The following PRKN variants were observed in gnomAD, a reference collection of about 807,000 sequenced individuals.
PRKN encodes the protein parkin RBR E3 ubiquitin protein ligase.
In PRKN, 56 loss-of-function variants were observed where a neutral mutation model predicts 59.5. The observed-to-expected ratio is 0.94, with a 90% confidence interval of 0.76 to 1.18. The LOEUF (loss-of-function observed/expected upper bound fraction) is 1.18, where lower values mean the gene tolerates loss of function less well. Ranked by LOEUF, PRKN falls within the 50% of genes most tolerant of loss-of-function variation. The pLI is 0.00. For missense variants in PRKN, 657 were observed against 596.4 expected (o/e 1.10, Z -1.06); for synonymous variants, 250 against 222.1 (o/e 1.13, Z -1.12).
intron 5 of PRKN, among the ~76,000 whole-genome samples, chr6:161,978,593 A>C (rs1386615274): frequency 6.6e-6 from 1 of 152,162 alleles, no homozygotes; most frequent in Non-Finnish European, 1.5e-5. Flanking sequence ...TGTTTCTCTT[A>C]ATTACTCAGT....
At chr6:161,573,839 C>A (rs562478450) in intron 7 of PRKN, among the ~76,000 whole-genome samples, 1 of 106,214 alleles carries the variant, frequency 9.4e-6, no homozygotes, top group African/African-American at 3.3e-5. Flanking sequence ...TTTTTTGTTT[C>A]TTTACAAGCG....
intron 1 of PRKN, among the ~76,000 whole-genome samples, chr6:162,521,977 CACTT>C (rs1399966080): frequency 3.9e-5 from 6 of 152,102 alleles, no homozygotes; most frequent in Non-Finnish European, 7.4e-5. Flanking sequence ...AACTAAGAAA[CACTT>C]AGTGAGATTA....
chr6:161,595,638 G>A (rs926064219), intron 7 of PRKN, among the ~76,000 whole-genome samples: 2 of 152,164 alleles, frequency 1.3e-5, no homozygotes, highest in African/African-American at 4.8e-5. Flanking sequence ...AGCTAGGCCT[G>A]GCAGAGTGTC....
Position 161,746,903 on chromosome 6 carries a change from T to C in PRKN, c.871+38869A>G, listed in dbSNP as rs373728315. ...ATATCTATATATCTATGTATGTATG[T>C]ATAATACTGAAGCTGTCATGTGACT... is the stretch of plus-strand genomic sequence containing the variant. On this transcript the variant is annotated intron_variant, in intron 7 of 11. Coordinates refer to ENST00000366898, the MANE Select transcript of PRKN (RefSeq NM_004562.3). Among the ~76,000 whole-genome samples, 18 of 151,254 alleles carry C rather than the reference T, an allele frequency of 1.2e-4. No homozygotes were observed. The South Asian group carries it at 3.7e-3, about 31-fold the overall frequency.
intron 7 of PRKN, among the ~76,000 whole-genome samples, chr6:161,604,737 C>T (rs1050747785): frequency 1.5e-4 from 23 of 152,266 alleles, no homozygotes; most frequent in African/African-American, 4.8e-4. Flanking sequence ...GAGTTCGAGA[C>T]CAGCCTTGCT....
chr6:162,111,109 T>C (rs1272529911), intron 4 of PRKN, among the ~76,000 whole-genome samples: 1 of 152,026 alleles, frequency 6.6e-6, no homozygotes, highest in Admixed American at 6.6e-5. Flanking sequence ...GGGCTGCCCA[T>C]GAAATAATAT....
intron 6 of PRKN, among the ~76,000 whole-genome samples, chr6:161,880,478 T>A (rs1794891605): frequency 6.6e-6 from 1 of 152,176 alleles, no homozygotes; most frequent in Non-Finnish European, 1.5e-5. Context: ...GCATCGTTAT[T>A]TTTCCCCCAC....
chr6:161,900,930 T>TA (rs1777894211), intron 6 of PRKN, among the ~76,000 whole-genome samples: 3 of 132,218 alleles, frequency 2.3e-5, no homozygotes, highest in African/African-American at 5.4e-5. Context: ...ATATATATAT[T>TA]TTTTAGATGG....
At chr6:162,581,311 C>G (rs978963265) in intron 1 of PRKN, among the ~76,000 whole-genome samples, 1 of 152,092 alleles carries the variant, frequency 6.6e-6, no homozygotes, top group African/African-American at 2.4e-5. Context: ...GTAAAATATT[C>G]AAGGTAGTTA....
chr6:161,826,668 A>C (rs1409466386), intron 6 of PRKN, among the ~76,000 whole-genome samples: 1 of 152,214 alleles, frequency 6.6e-6, no homozygotes, highest in Non-Finnish European at 1.5e-5. Context: ...TTTTTGAATC[A>C]TGCCAAAACA....
At chr6:161,476,914 A>C (rs1195112166) in intron 9 of PRKN, among the ~76,000 whole-genome samples, 1 of 152,222 alleles carries the variant, frequency 6.6e-6, no homozygotes, top group Non-Finnish European at 1.5e-5. Flanking sequence ...GCTAACAGAA[A>C]AACTGGTGGG....
At chr6:161,856,394 A>G (rs1257358323) in intron 6 of PRKN, among the ~76,000 whole-genome samples, 2 of 138,348 alleles carry the variant, frequency 1.4e-5, no homozygotes, top group Non-Finnish European at 1.6e-5. Context: ...ATAAGATTGA[A>G]AATGAACTGC....
chr6:162,678,800 A>C (rs1464959397), intron 1 of PRKN, among the ~76,000 whole-genome samples: 2 of 152,076 alleles, frequency 1.3e-5, no homozygotes, highest in African/African-American at 4.8e-5. Context: ...TTTGAGATGG[A>C]GTCTCTCTCC....
At chr6:161,769,323 T>C (rs1263665414) in intron 7 of PRKN, among the ~76,000 whole-genome samples, 1 of 152,196 alleles carries the variant, frequency 6.6e-6, no homozygotes, top group Non-Finnish European at 1.5e-5. Flanking sequence ...ATCTGATTTA[T>C]GACCTCTGAG....
At chr6:162,154,044 C>T (rs1487821771) in intron 4 of PRKN, among the ~76,000 whole-genome samples, 1 of 152,118 alleles carries the variant, frequency 6.6e-6, no homozygotes, top group Non-Finnish European at 1.5e-5. Context: ...TTGCCAGGGA[C>T]CTGCCTTGTC....
At chr6:162,228,157 C>T (rs1583230233) in intron 3 of PRKN, among the ~76,000 whole-genome samples, 1 of 152,218 alleles carries the variant, frequency 6.6e-6, no homozygotes, top group East Asian at 1.9e-4. Context: ...AAGAGAGAAG[C>T]CTTTAGTCTT....
At chr6:162,448,273 C>T (rs943351759) in intron 1 of PRKN, among the ~76,000 whole-genome samples, 1 of 152,152 alleles carries the variant, frequency 6.6e-6, no homozygotes, top group Non-Finnish European at 1.5e-5. Context: ...TGAGAACTAT[C>T]ACTAAATCTA....
chr6:162,652,841 C>T (rs1018309257), intron 1 of PRKN, among the ~76,000 whole-genome samples: 39 of 152,030 alleles, frequency 2.6e-4, no homozygotes, highest in African/African-American at 7.2e-4. Context: ...ACTAACCCCC[C>T]GATAAGATTT....
intron 7 of PRKN, among the ~76,000 whole-genome samples, chr6:161,658,043 AAG>A (rs1179668201): frequency 6.6e-6 from 1 of 151,136 alleles, no homozygotes; most frequent in African/African-American, 2.4e-5. Flanking sequence ...AAGAAAAGAA[AAG>A]AAAAAAACGG....
Sources: allele counts gnomAD v4.1 joint callset (sites outside exome capture counted in the v4.1 genomes callset), GRCh38; gene constraint gnomAD v4.1.1; transcripts MANE v1.5; gene names NCBI Gene and HGNC (gene_info 2026-07-23, HGNC 2026-07-21).